The following HERPUD1 variants were observed in gnomAD, a reference collection of about 807,000 sequenced individuals.
The protein encoded by HERPUD1 is homocysteine inducible ER protein with ubiquitin like domain 1, also known as homocysteine-responsive endoplasmic reticulum-resident ubiquitin-like domain member 1 protein.
In HERPUD1, 17 loss-of-function variants were observed where a neutral mutation model predicts 45.0. That is an observed-to-expected ratio of 0.38 (90% CI 0.26 to 0.57). HERPUD1 has a LOEUF of 0.57. Among genes scored for constraint, HERPUD1 ranks in the 20% least tolerant of loss-of-function variants. The pLI is 0.72. For synonymous variants in HERPUD1, 164 were observed against 177.5 expected (o/e 0.92, Z 0.61); for missense variants, 420 against 490.5 (o/e 0.86, Z 1.36).
intron 6 of HERPUD1, 59 bp from the exon 7 acceptor site, chr16:56,942,073 C>A: frequency 7.2e-7 from 1 of 1,390,800 alleles, no homozygotes; most frequent in South Asian, 1.2e-5. Context: ...GCCTTGGATT[C>A]TTGAGTAAGT....
chr16:56,939,739 T>C (rs571466152), intron 5 of HERPUD1, among the ~76,000 whole-genome samples, 156 bp from the exon 6 acceptor site: 10 of 152,310 alleles, frequency 6.6e-5, no homozygotes, highest in African/African-American at 2.4e-4. Context: ...TTTATAGATA[T>C]AGTTAGTAAG....
intron 6 of HERPUD1, chr16:56,940,466 C>T (rs1368546371): frequency 2.0e-6 from 1 of 495,668 alleles, no homozygotes; most frequent in Non-Finnish European, 3.6e-6. Flanking sequence ...ACCACCATGC[C>T]TGGCTAATTT....
chr16:56,932,503 G>T, intron 1 of HERPUD1, 112 bp downstream of exon 1: 2 of 1,052,462 alleles, frequency 1.9e-6, no homozygotes, highest in Non-Finnish European at 2.7e-6. Flanking sequence ...GGCTGCGATC[G>T]CTCGGCCGGT....
intron 4 of HERPUD1, among the ~76,000 whole-genome samples, chr16:56,937,655 G>A (rs2055876890): frequency 6.7e-6 from 1 of 149,968 alleles, no homozygotes; most frequent in African/African-American, 2.5e-5. Context: ...GTAATTCCCA[G>A]GCATCATGTT....
At chr16:56,939,820 C>A in intron 5 of HERPUD1, 75 bp from the exon 6 acceptor site, 1 of 1,126,950 alleles carries the variant, frequency 8.9e-7, no homozygotes, top group East Asian at 2.4e-5. Flanking sequence ...CAGTAAAAGA[C>A]TGCTGTGTAA....
Position 56,940,431 on chromosome 16 carries a change from T to C in HERPUD1, c.905+186T>C, listed in dbSNP as rs1186086993. ...AAGCGATTCTCCTGCCTCAGCCTCC[T>C]GGGTAGTTGGGATTACAGGCGCCCA... On this transcript the variant is annotated intron_variant, in intron 6 of 7. Transcript: ENST00000439977. 7 of 560,286 alleles carry C rather than the reference T, an allele frequency of 1.2e-5. No homozygotes were observed. In the Admixed American group the frequency reaches 2.3e-4, roughly 19 times the overall value. 34.7% of individuals were successfully genotyped at this position (560,286 alleles called of 1,614,324 possible).
At position 56,940,050 on chromosome 16, in the gene HERPUD1, A is replaced by G; in HGVS notation, c.710A>G (p.Asn237Ser). 6.2e-7 allele frequency: 1 copy of G among 1,614,238 alleles called. No individual in the cohort carries two copies. The highest frequency in any genetic ancestry group is 8.5e-7 in the Non-Finnish European group (1 of 1,180,044). ...AATGCTGCTCCTCAAGTGGTTGTTAATCCTGGAGCCAATCAAAATTTGCGG... is the reference window on the plus strand; with the variant it reads ...AATGCTGCTCCTCAAGTGGTTGTTAGTCCTGGAGCCAATCAAAATTTGCGG... ...NQNAAPQVVV[N>S]PGANQNLRMN... The change falls in exon 6 of 8, where the codon AAT becomes AGT. Residue 237 changes from asparagine (N) to serine (S), a missense_variant. Transcript: ENST00000439977.
rs868001001 is a variant in HERPUD1, at chr16:56,938,348, G to A, written c.432-889G>A. 5.9e-5 allele frequency among the ~76,000 whole-genome samples: 9 copies of A among 152,208 alleles called. No homozygotes were observed. In the Middle Eastern group the frequency reaches 0.014, roughly 230 times the overall value. ...GGAGGCCAAGGTGGGCGGATCACGA[G>A]GTCAGGAGATTGAGACCATCCTGGC... On this transcript the variant is annotated intron_variant, in intron 4 of 7. Coordinates refer to ENST00000439977, the MANE Select transcript of HERPUD1 (RefSeq NM_014685.4).
At position 56,939,302 on chromosome 16, in the gene HERPUD1, G is replaced by T. The variant is rs1280099753; in HGVS notation, c.497G>T (p.Gly166Val). The T allele has an allele frequency of 6.2e-7, 1 of 1,614,194 alleles. No homozygotes were observed. Among genetic ancestry groups the T allele is most frequent in the South Asian group, 1.1e-5 (1 of 91,088 alleles). ...GGTTTCTCCGGTTACACACCCTATGGGTGGCTTCAGCTTTCCTGGTTCCAG... is the reference window on the plus strand; with the variant it reads ...GGTTTCTCCGGTTACACACCCTATGTGTGGCTTCAGCTTTCCTGGTTCCAG... ...GPGFSGYTPY[G>V]WLQLSWFQQI... The change falls in exon 5 of 8, where the codon GGG becomes GTG. Residue 166 changes from glycine to valine, a missense_variant. Coordinates refer to ENST00000439977, the MANE Select transcript of HERPUD1 (RefSeq NM_014685.4).
chr16:56,941,138 G>T (rs1168251204), intron 6 of HERPUD1: 4 of 143,010 alleles, frequency 2.8e-5, no homozygotes, highest in African/African-American at 1.1e-4. Flanking sequence ...CCATACTGAG[G>T]CATGGAACAG....
At position 56,936,672 on chromosome 16, in the gene HERPUD1, G is replaced by T; in HGVS notation, c.301-15G>T. ...ATCAGCTCCTTTGTTCTGTGTTCAT[G>T]TTACACTTATTTAGGTGGCTGAATC... On this transcript the variant is annotated splice_polypyrimidine_tract_variant and intron_variant, in intron 3 of 7. Coordinates refer to ENST00000439977, the MANE Select transcript of HERPUD1 (RefSeq NM_014685.4). The T allele has an allele frequency of 6.2e-7, 1 of 1,609,290 alleles. No homozygotes were observed. The highest frequency in any genetic ancestry group is 8.5e-7 in the Non-Finnish European group (1 of 1,177,300).
intron 3 of HERPUD1, 118 bp from the exon 4 acceptor site, chr16:56,936,569 C>G: frequency 1.2e-6 from 1 of 841,330 alleles, no homozygotes; most frequent in South Asian, 4.2e-5. Flanking sequence ...TTAATTTTGT[C>G]ACGTTCAGAG....
chr16:56,932,191 C>T lies in HERPUD1; in HGVS notation c.-54C>T. Reference sequence around the variant, plus strand: ...GCAGAGATTGCGGGCGGCTGAGACGCCGCCTGCCTGGCACCTAGGAGCGCA... The same window carrying T: ...GCAGAGATTGCGGGCGGCTGAGACGTCGCCTGCCTGGCACCTAGGAGCGCA... On this transcript the variant is annotated 5_prime_UTR_variant, in exon 1 of 8. Transcript: ENST00000439977. The T allele has an allele frequency of 6.3e-7, 1 of 1,586,380 alleles. No homozygotes were observed. The highest frequency in any genetic ancestry group is 8.5e-7 in the Non-Finnish European group (1 of 1,172,470).
chr16:56,940,273 TTACAC>T (rs1259527107), intron 6 of HERPUD1, 28 bp downstream of exon 6: 1 of 1,492,874 alleles, frequency 6.7e-7, no homozygotes, highest in African/African-American at 1.4e-5. Flanking sequence ...CTAATATAAA[TTACAC>T]TACACTGTGT....
Position 56,932,148 on chromosome 16 carries a change from G to C in HERPUD1, c.-97G>C, listed in dbSNP as rs762656428. ...GCCCGAAGCGGGGGCGCGCGCCCCA[G>C]AGACGTGAACTGTCGTTGCAGAGAT... On this transcript the variant is annotated 5_prime_UTR_variant, in exon 1 of 8. Transcript: ENST00000439977. 9 of 1,544,184 alleles carry C rather than the reference G, an allele frequency of 5.8e-6. No homozygotes were observed. Among genetic ancestry groups the C allele is most frequent in the East Asian group, 4.8e-5 (2 of 41,464 alleles).
chr16:56,938,014 T>A (rs1221247894), intron 4 of HERPUD1, among the ~76,000 whole-genome samples: 1 of 152,178 alleles, frequency 6.6e-6, no homozygotes, highest in Non-Finnish European at 1.5e-5. Flanking sequence ...TTTGACTCTC[T>A]GAATCTCACC....
chr16:56,932,221 A>G lies in HERPUD1; in HGVS notation c.-24A>G, dbSNP rs776223767. On this transcript the variant is annotated 5_prime_UTR_variant, in exon 1 of 8. Coordinates refer to ENST00000439977, the MANE Select transcript of HERPUD1 (RefSeq NM_014685.4). ...TGCCTGGCACCTAGGAGCGCAGCGG[A>G]GCCCCGACACCGCCGCCGCCGCCAT... is the stretch of plus-strand genomic sequence containing the variant. The G allele has an allele frequency of 9.4e-6, 15 of 1,602,158 alleles. No homozygotes were observed. The highest frequency in any genetic ancestry group is 1.3e-5 in the Non-Finnish European group (15 of 1,178,218).
intron 1 of HERPUD1, chr16:56,934,875 C>T (rs1404457293): frequency 1.3e-5 from 3 of 230,922 alleles, no homozygotes; most frequent in Non-Finnish European, 2.6e-5. Context: ...CCACGCCCAG[C>T]TAATTTTTGC....
At chr16:56,932,494 G>A (rs2055834095) in intron 1 of HERPUD1, 103 bp downstream of exon 1, 2 of 1,109,622 alleles carry the variant, frequency 1.8e-6, no homozygotes, top group Non-Finnish European at 2.5e-6. Context: ...CCCGCTGACG[G>A]CTGCGATCGC....
Sources: allele counts gnomAD v4.1 joint callset (sites outside exome capture counted in the v4.1 genomes callset), GRCh38; gene constraint gnomAD v4.1.1; transcripts MANE v1.5; gene names NCBI Gene and HGNC (gene_info 2026-07-23, HGNC 2026-07-21).